CHRM2: variants seen among roughly 807,000 people sequenced by gnomAD.
CHRM2 encodes the protein cholinergic receptor muscarinic 2, also known as muscarinic acetylcholine receptor M2.
CHRM2 carries 8 observed loss-of-function variants against 25.0 expected under a neutral mutation model. The ratio of observed to expected loss-of-function variants is 0.32; its 90% CI spans 0.19 to 0.58. The LOEUF is 0.58. CHRM2 is among the 20% of genes least tolerant of loss of function. The pLI, the probability that CHRM2 is intolerant of heterozygous loss-of-function variation, is 0.88. For missense variants in CHRM2, 440 were observed against 567.1 expected, an observed-to-expected ratio of 0.78 and a Z score of 2.28; for synonymous variants, 202 against 205.7, an observed-to-expected ratio of 0.98 and a Z score of 0.15.
Position 137,016,328 on chromosome 7 carries a change from C to A in CHRM2, c.*62C>A. On this transcript the variant is annotated 3_prime_UTR_variant, in exon 4 of 4. Transcript: ENST00000680005. ...GCTTGAGAAGAATAAAAGGGATAAA[C>A]GAGCTCCTAGTTTTAAAATCTCTGC... 6.7e-7 allele frequency: 1 copy of A among 1,497,616 alleles called. No individual in the cohort carries two copies. The highest frequency in any genetic ancestry group is 1.4e-5 in the African/African-American group (1 of 72,316). 92.8% of individuals were successfully genotyped at this position (1,497,616 alleles called of 1,614,324 possible). A position where few individuals can be genotyped will look rare whatever the true frequency, so the allele number is the denominator to read the frequency against.
Position 137,017,412 on chromosome 7 carries a change from C to A in CHRM2, c.*1146C>A, listed in dbSNP as rs1805244354. 6.6e-6 allele frequency: 1 copy of A among 151,888 alleles called. No individual in the cohort carries two copies. Among genetic ancestry groups the A allele is most frequent in the African/African-American group, 2.4e-5 (1 of 41,402 alleles). The allele number at this position is 151,888 out of a possible 1,614,324, so 9.4% of individuals were successfully genotyped here. A position where few individuals can be genotyped will look rare whatever the true frequency, so the allele number is the denominator to read the frequency against. ...TGTTTTATTTATTTGGAATCCTAAACAGGATTAACATACTCACATAGCACC... is the reference window on the plus strand; with the variant it reads ...TGTTTTATTTATTTGGAATCCTAAAAAGGATTAACATACTCACATAGCACC... On this transcript the variant is annotated 3_prime_UTR_variant, in exon 4 of 4. Transcript: ENST00000680005.
intron 2 of CHRM2, among the ~76,000 whole-genome samples, chr7:136,945,103 GA>G (rs1270892666): frequency 6.6e-6 from 1 of 151,214 alleles, no homozygotes; most frequent in Non-Finnish European, 1.5e-5. Flanking sequence ...TTCTTGATTT[GA>G]GTTCTTTATA....
At chr7:136,930,874 G>A (rs571227454) in intron 2 of CHRM2, among the ~76,000 whole-genome samples, 5 of 129,824 alleles carry the variant, frequency 3.9e-5, no homozygotes, top group Admixed American at 3.6e-4. Flanking sequence ...TCCAGCCTGG[G>A]CTACAGAGCC....
intron 2 of CHRM2, among the ~76,000 whole-genome samples, chr7:136,950,252 G>A (rs977267954): frequency 6.6e-6 from 1 of 152,280 alleles, no homozygotes. Flanking sequence ...GCATCAAGAA[G>A]ACGAAGTGCC....
At chr7:136,957,590 GACAA>G (rs1206282095) in intron 2 of CHRM2, among the ~76,000 whole-genome samples, 2 of 152,168 alleles carry the variant, frequency 1.3e-5, no homozygotes, top group African/African-American at 2.4e-5. Flanking sequence ...TGGGATCTCT[GACAA>G]ACAGAGTATT....
At position 137,015,624 on chromosome 7, in the gene CHRM2, T is replaced by C; in HGVS notation, c.759T>C (p.Asp253=). ...PNNNNMPSSD[D]GLEHNKIQNG... is the part of the protein sequence containing the mutation. ...ATAACAACATGCCCAGCAGTGACGATGGCCTGGAGCACAACAAAATCCAGA... is the reference window on the plus strand; with the variant it reads ...ATAACAACATGCCCAGCAGTGACGACGGCCTGGAGCACAACAAAATCCAGA... Residue 253 remains aspartate, a synonymous_variant, in exon 4 of 4, where the codon GAT becomes GAC. Transcript: ENST00000680005. This position sits in a 1 kb window ranked among gnomAD's most constrained non-coding sequence, Gnocchi z 5.1. 1 of 1,612,842 alleles carries C rather than the reference T, an allele frequency of 6.2e-7. No homozygotes were observed. The highest frequency in any genetic ancestry group is 8.5e-7 in the Non-Finnish European group (1 of 1,179,500).
chr7:136,886,797 CA>C, intron 2 of CHRM2, among the ~76,000 whole-genome samples: 1 of 152,016 alleles, frequency 6.6e-6, no homozygotes, highest in Admixed American at 6.6e-5. Flanking sequence ...TTTGAGCCCC[CA>C]GCAGGTCGAG....
intron 2 of CHRM2, among the ~76,000 whole-genome samples, chr7:136,925,097 T>C: frequency 6.6e-6 from 1 of 152,196 alleles, no homozygotes; most frequent in East Asian, 1.9e-4. Flanking sequence ...AGTAGTCTGT[T>C]AATGTCCCAC....
rs943125279 is a variant in CHRM2, at chr7:137,016,389, T to C, written c.*123T>C. 1 of 1,068,144 alleles carries C rather than the reference T, an allele frequency of 9.4e-7. No homozygotes were observed. The highest frequency in any genetic ancestry group is 1.6e-5 in the African/African-American group (1 of 62,942). The allele number at this position is 1,068,144 out of a possible 1,614,324, so 66.2% of individuals were successfully genotyped here. A position where few individuals can be genotyped will look rare whatever the true frequency, so the allele number is the denominator to read the frequency against. On this transcript the variant is annotated 3_prime_UTR_variant, in exon 4 of 4. Transcript: ENST00000680005. ...TATAGTCTGATTACAAAACGTGCAATTCAGGAGCCCAGCAGTGACACACTT... is the reference window on the plus strand; with the variant it reads ...TATAGTCTGATTACAAAACGTGCAACTCAGGAGCCCAGCAGTGACACACTT...
At chr7:137,000,420 A>G (rs968819141) in intron 3 of CHRM2, among the ~76,000 whole-genome samples, 2 of 150,930 alleles carry the variant, frequency 1.3e-5, no homozygotes, top group African/African-American at 4.9e-5. Flanking sequence ...GGCTGGTCTC[A>G]TACTCCTGAC....
At chr7:136,911,820 G>A (rs888548683) in intron 2 of CHRM2, among the ~76,000 whole-genome samples, 2 of 151,766 alleles carry the variant, frequency 1.3e-5, no homozygotes, top group African/African-American at 4.8e-5. Flanking sequence ...TGTGGATTAC[G>A]ACAAGGCTTA....
chr7:137,012,942 G>A (rs923552644), intron 3 of CHRM2, among the ~76,000 whole-genome samples: 7 of 151,870 alleles, frequency 4.6e-5, no homozygotes, highest in South Asian at 4.1e-4. Context: ...TTAATACTAC[G>A]GATGGAAAAT....
intron 2 of CHRM2, among the ~76,000 whole-genome samples, chr7:136,930,299 C>T (rs541938725): frequency 2.6e-5 from 4 of 151,810 alleles, no homozygotes; most frequent in Non-Finnish European, 2.9e-5. Context: ...AGCCAGGCAT[C>T]GTGGCACACA....
intron 2 of CHRM2, among the ~76,000 whole-genome samples, chr7:136,876,579 A>T (rs1039638041): frequency 2.0e-5 from 3 of 152,154 alleles, no homozygotes; most frequent in African/African-American, 7.2e-5. Context: ...AGGCAACTTC[A>T]TAGGCTGAGG....
chr7:136,972,706 G>T (rs972932509), intron 2 of CHRM2, among the ~76,000 whole-genome samples: 5 of 152,100 alleles, frequency 3.3e-5, no homozygotes, highest in African/African-American at 1.2e-4. Context: ...GATGGTGATG[G>T]TGTTAGGGAT....
chr7:136,897,512 G>C (rs1390218742), intron 2 of CHRM2, among the ~76,000 whole-genome samples: 1 of 152,026 alleles, frequency 6.6e-6, no homozygotes, highest in Non-Finnish European at 1.5e-5. Flanking sequence ...CAATATATGA[G>C]CTCCTGAAAG....
At chr7:136,891,204 A>C (rs1048879817) in intron 2 of CHRM2, among the ~76,000 whole-genome samples, 2 of 152,222 alleles carry the variant, frequency 1.3e-5, no homozygotes, top group Non-Finnish European at 2.9e-5. Flanking sequence ...TTCAAACTTT[A>C]ATCAGATTTC....
chr7:136,963,717 A>G (rs1335371603), intron 2 of CHRM2, among the ~76,000 whole-genome samples: 1 of 152,194 alleles, frequency 6.6e-6, no homozygotes, highest in Non-Finnish European at 1.5e-5. Flanking sequence ...TCACTTTTAA[A>G]AAAATGACGC....
At chr7:136,997,866 A>T (rs1803709208) in intron 3 of CHRM2, among the ~76,000 whole-genome samples, 1 of 152,152 alleles carries the variant, frequency 6.6e-6, no homozygotes, top group South Asian at 2.1e-4. Flanking sequence ...CTGTGAAATA[A>T]GCATGTAAGT....
Sources: allele counts gnomAD v4.1 joint callset (sites outside exome capture counted in the v4.1 genomes callset), GRCh38; gene constraint gnomAD v4.1.1; non-coding constraint Gnocchi (gnomAD v3.1); transcripts MANE v1.5; gene names NCBI Gene and HGNC (gene_info 2026-07-23, HGNC 2026-07-21).